The following MACROD2 variants were observed in gnomAD, a reference collection of about 807,000 sequenced individuals.
The protein encoded by MACROD2 is ADP-ribose glycohydrolase MACROD2.
Under a neutral mutation model 70.4 loss-of-function variants are expected in MACROD2, and 36 were observed. The ratio of observed to expected loss-of-function variants is 0.51; its 90% CI spans 0.39 to 0.68. MACROD2 has a LOEUF of 0.68. Ranked by LOEUF, MACROD2 falls within the 30% of genes least tolerant of loss-of-function variation. The pLI is 0.00. For synonymous variants in MACROD2, 172 were observed against 178.8 expected (o/e 0.96, Z 0.30); for missense variants, 496 against 538.4 (o/e 0.92, Z 0.78).
intron 4 of MACROD2, among the ~76,000 whole-genome samples, chr20:14,555,741 A>G (rs746381361): frequency 1.3e-5 from 2 of 152,026 alleles, no homozygotes; most frequent in Non-Finnish European, 2.9e-5. Context: ...TGTTAGGTAC[A>G]TGGGGGACGT....
intron 5 of MACROD2, among the ~76,000 whole-genome samples, chr20:14,728,226 C>T (rs1461108833): frequency 6.6e-6 from 1 of 152,096 alleles, no homozygotes; most frequent in Admixed American, 6.5e-5. Context: ...TAATACTAAT[C>T]ACTTAAAGAT....
intron 3 of MACROD2, among the ~76,000 whole-genome samples, chr20:14,144,134 T>C (rs1218895898): frequency 1.3e-5 from 2 of 152,174 alleles, no homozygotes; most frequent in African/African-American, 4.8e-5. Flanking sequence ...TCATGTTCTT[T>C]ACTTGTGCTC....
intron 3 of MACROD2, among the ~76,000 whole-genome samples, chr20:14,386,762 A>G (rs563458196): frequency 4.0e-4 from 61 of 152,286 alleles, no homozygotes; most frequent in African/African-American, 1.4e-3. Context: ...TCAGTTAAAC[A>G]TCTCTTCATT....
chr20:15,522,954 C>T (rs777198838), intron 8 of MACROD2, among the ~76,000 whole-genome samples: 1 of 152,188 alleles, frequency 6.6e-6, no homozygotes, highest in Non-Finnish European at 1.5e-5. Flanking sequence ...TATCTCATTA[C>T]AACTCCAGCA....
intron 6 of MACROD2, among the ~76,000 whole-genome samples, chr20:15,427,398 A>G (rs774608448): frequency 1.2e-4 from 18 of 152,246 alleles, no homozygotes; most frequent in Admixed American, 6.5e-5. Context: ...TTCTTCTGCT[A>G]GATCTGATAG....
intron 5 of MACROD2, among the ~76,000 whole-genome samples, chr20:15,105,965 C>T: frequency 6.6e-6 from 1 of 152,094 alleles, no homozygotes; most frequent in East Asian, 1.9e-4. Flanking sequence ...ATGTTCTCAT[C>T]ACAAAAAAGT....
intron 3 of MACROD2, among the ~76,000 whole-genome samples, chr20:14,354,402 A>G (rs1364228314): frequency 6.6e-6 from 1 of 152,128 alleles, no homozygotes; most frequent in Non-Finnish European, 1.5e-5. Context: ...TTATTCGAAG[A>G]ACCATTTTTT....
intron 2 of MACROD2, among the ~76,000 whole-genome samples, chr20:14,084,269 G>A (rs1211098004): frequency 1.3e-5 from 2 of 151,672 alleles, no homozygotes; most frequent in East Asian, 1.9e-4. Flanking sequence ...TCCCCCAGGT[G>A]TCTCAAGATT....
At chr20:15,518,726 C>T (rs1030172194) in intron 8 of MACROD2, among the ~76,000 whole-genome samples, 6 of 152,108 alleles carry the variant, frequency 3.9e-5, no homozygotes, top group African/African-American at 4.8e-5. Flanking sequence ...TGGCCACGTG[C>T]GGTGGCTCAC....
intron 5 of MACROD2, among the ~76,000 whole-genome samples, chr20:15,177,604 C>T (rs2076471862): frequency 6.6e-6 from 1 of 152,122 alleles, no homozygotes; most frequent in South Asian, 2.1e-4. Flanking sequence ...TCTGTTTTCC[C>T]AGTCATCTGC....
rs553759721 is a variant in MACROD2 at position 14,511,069 on chromosome 20, G to A, written c.301+17561G>A. ...TCCCCATAATCCTTTGCAATGCTTGGTGAGACAGAATGAAAGAACTCCAGG... is the reference window on the plus strand; with the variant it reads ...TCCCCATAATCCTTTGCAATGCTTGATGAGACAGAATGAAAGAACTCCAGG... On this transcript the variant is annotated intron_variant, in intron 4 of 17. Transcript: ENST00000684519. Among the ~76,000 whole-genome samples the A allele has an allele frequency of 3.9e-5, 6 of 152,154 alleles. No individual in the cohort carries two copies. The East Asian group carries it at 1.2e-3, about 29-fold the overall frequency.
chr20:14,996,324 C>T (rs1310096329), intron 5 of MACROD2, among the ~76,000 whole-genome samples: 1 of 152,160 alleles, frequency 6.6e-6, no homozygotes, highest in Non-Finnish European at 1.5e-5. Flanking sequence ...CTCAGATCCA[C>T]TGAAGCCTAC....
chr20:15,182,012 CAT>C (rs1438739540), intron 5 of MACROD2, among the ~76,000 whole-genome samples: 5 of 151,778 alleles, frequency 3.3e-5, no homozygotes, highest in Middle Eastern at 3.4e-3. Flanking sequence ...GTGGTCAGAT[CAT>C]ACCCCTAGAG....
In MACROD2 at chr20:14,508,239, C is replaced by G. The variant is rs1023107285; in HGVS notation, c.301+14731C>G. 1.8e-4 allele frequency among the ~76,000 whole-genome samples: 28 copies of G among 152,270 alleles called. 1 individual carries two copies. The highest frequency in any genetic ancestry group is 6.0e-4 in the African/African-American group (25 of 41,554). ...GCCTGAATAAGTATTGAAGAAATGCCTCAACATACAGTCAGTCTGCAAAGA... is the reference window on the plus strand; with the variant it reads ...GCCTGAATAAGTATTGAAGAAATGCGTCAACATACAGTCAGTCTGCAAAGA... On this transcript the variant is annotated intron_variant, in intron 4 of 17. Coordinates refer to ENST00000684519, the MANE Select transcript of MACROD2 (RefSeq NM_001351661.2).
At chr20:15,401,815 G>T (rs752721448) in intron 6 of MACROD2, among the ~76,000 whole-genome samples, 4 of 152,190 alleles carry the variant, frequency 2.6e-5, no homozygotes, top group Non-Finnish European at 5.9e-5. Context: ...GCTGGACAAA[G>T]GTGACCAGGC....
intron 6 of MACROD2, among the ~76,000 whole-genome samples, chr20:15,376,566 A>G (rs1164698488): frequency 6.6e-5 from 10 of 152,322 alleles, no homozygotes; most frequent in East Asian, 3.9e-4. Context: ...GTCTTATTCC[A>G]TATTATTACC....
At chr20:14,138,578 A>G (rs1217726718) in intron 3 of MACROD2, among the ~76,000 whole-genome samples, 2 of 152,180 alleles carry the variant, frequency 1.3e-5, no homozygotes, top group Non-Finnish European at 2.9e-5. Context: ...TAGAGCATGC[A>G]ATTTAGTATG....
rs1422001470 is a variant in MACROD2, at chr20:14,295,153, CGT to C, written c.272-198319_272-198318del. ...GATAAGAATTGGGTTTGTGTGTGCA[CGT>C]GTGTGTTTTTACTATCACAATACCA... On this transcript the variant is annotated intron_variant, in intron 3 of 17. Transcript: ENST00000684519. 2.0e-5 allele frequency among the ~76,000 whole-genome samples: 3 copies of C among 151,796 alleles called. 1 individual carries two copies. The highest frequency in any genetic ancestry group is 7.3e-5 in the African/African-American group (3 of 41,164).
chr20:14,464,161 T>G (rs1381832392), intron 3 of MACROD2, among the ~76,000 whole-genome samples: 2 of 152,022 alleles, frequency 1.3e-5, no homozygotes, highest in Non-Finnish European at 2.9e-5. Flanking sequence ...ATCCATCTGG[T>G]CCTGGACTTT....
Sources: gnomAD v4.1 joint callset for allele counts (sites outside exome capture counted in the v4.1 genomes callset) on GRCh38, gnomAD v4.1.1 for gene constraint, MANE v1.5 for transcripts, NCBI Gene and HGNC (gene_info 2026-07-23, HGNC 2026-07-21) for gene names.